Variants in SLC6A6 observed in about 807,000 individuals in gnomAD.
The protein encoded by SLC6A6 is sodium- and chloride-dependent taurine transporter.
SLC6A6 carries 16 observed loss-of-function variants against 68.8 expected under a neutral mutation model. The observed-to-expected ratio is 0.23, with a 90% CI of 0.16 to 0.35. The LOEUF (loss-of-function observed/expected upper bound fraction) is 0.35, where lower values mean the gene tolerates loss of function less well. SLC6A6 is among the 10% of genes least tolerant of loss of function. SLC6A6 has a pLI of 1.00. For missense variants in SLC6A6, 474 were observed against 802.8 expected, an observed-to-expected ratio of 0.59 and a Z score of 4.95; for synonymous variants, 312 against 315.4, an observed-to-expected ratio of 0.99 and a Z score of 0.12.
intron 4 of SLC6A6, 35 bp from the exon 5 acceptor site, chr3:14,447,547 C>G: frequency 1.2e-6 from 2 of 1,611,162 alleles, no homozygotes; most frequent in South Asian, 1.1e-5. Context: ...TGGCCTCCCT[C>G]AGATGTTTAC....
In SLC6A6 at chr3:14,402,904, C is replaced by G; in HGVS notation, c.-54+57C>G. 1 of 389,152 alleles carries G rather than the reference C, an allele frequency of 2.6e-6. No homozygotes were observed. Among genetic ancestry groups the G allele is most frequent in the East Asian group, 3.7e-5 (1 of 27,198 alleles). 24.1% of individuals were successfully genotyped at this position (389,152 alleles called of 1,614,324 possible). On this transcript the variant is annotated intron_variant, in intron 1 of 14. Transcript: ENST00000622186. This position sits in a 1 kb window ranked among gnomAD's most constrained non-coding sequence, Gnocchi z 4.8. ...CCGGCGCTGCCCGCCGTCTGCAGCC[C>G]CTCCCCATCCCCGCGTCGCCGCAGT...
At chr3:14,443,019 G>A (rs1165710524) in intron 2 of SLC6A6, among the ~76,000 whole-genome samples, 1 of 152,096 alleles carries the variant, frequency 6.6e-6, no homozygotes, top group African/African-American at 2.4e-5. Flanking sequence ...TACTTGGATG[G>A]CAACCCATCT....
intron 6 of SLC6A6, among the ~76,000 whole-genome samples, chr3:14,464,008 A>G (rs1700556626): frequency 6.6e-6 from 1 of 152,220 alleles, no homozygotes; most frequent in African/African-American, 2.4e-5. Flanking sequence ...TGGCAGAGGC[A>G]GCGTGCAACC....
intron 5 of SLC6A6, among the ~76,000 whole-genome samples, chr3:14,457,143 C>T (rs538981030): frequency 5.9e-5 from 9 of 152,242 alleles, no homozygotes; most frequent in Admixed American, 5.2e-4. Flanking sequence ...GGAATCAGCT[C>T]GGATTGGTGG....
At chr3:14,443,098 T>A (rs4123188) in intron 2 of SLC6A6, among the ~76,000 whole-genome samples, 6,259 of 152,360 alleles carry the variant, frequency 0.041, 167 homozygotes, top group South Asian at 0.1. Context: ...TTTTTTTAAC[T>A]TACAGTTATA....
chr3:14,430,560 T>G (rs1248826389), intron 2 of SLC6A6, among the ~76,000 whole-genome samples: 2 of 151,970 alleles, frequency 1.3e-5, no homozygotes, highest in African/African-American at 4.8e-5. Context: ...CCCACCCGAG[T>G]GTGGATTTTA....
intron 1 of SLC6A6, among the ~76,000 whole-genome samples, chr3:14,414,823 C>T (rs1699329061): frequency 6.6e-6 from 1 of 152,214 alleles, no homozygotes; most frequent in African/African-American, 2.4e-5. Context: ...GCACACCTAG[C>T]CTTTAGTGCC....
intron 2 of SLC6A6, among the ~76,000 whole-genome samples, chr3:14,434,106 TCCCCCAGTTCTTTG>T (rs773239781): frequency 7.2e-5 from 11 of 152,296 alleles, no homozygotes; most frequent in Non-Finnish European, 1.3e-4. Context: ...AGAACAGTGT[TCCCCCAGTTCTTTG>T]CCCCCAGTTC....
In SLC6A6 at chr3:14,472,382, C is replaced by G. The variant is rs1451769141; in HGVS notation, c.1209+65C>G. On this transcript the variant is annotated intron_variant, in intron 10 of 14. Coordinates refer to ENST00000622186, the MANE Select transcript of SLC6A6 (RefSeq NM_003043.6). The surrounding 1 kb of genome is among the most constrained non-coding windows in gnomAD (Gnocchi z 4.5). The stretch of plus-strand genomic sequence containing the variant: ...GGGAACCTGACTCTGGGAAAGACTC[C>G]TTATTCCACCTGGGAGGTGGTCAAC... 8.2e-6 allele frequency: 8 copies of G among 972,824 alleles called. No individual in the cohort carries two copies. The highest frequency in any genetic ancestry group is 1.7e-5 in the Admixed American group (1 of 57,208). The allele number at this position is 972,824 out of a possible 1,614,324, so 60.3% of individuals were successfully genotyped here.
intron 2 of SLC6A6, among the ~76,000 whole-genome samples, chr3:14,418,315 C>T (rs542042574): frequency 2.6e-5 from 4 of 152,282 alleles, no homozygotes; most frequent in East Asian, 3.9e-4. Context: ...CCTGTGAAGC[C>T]GGGACTAGGC....
chr3:14,405,132 T>A (rs545651039), intron 1 of SLC6A6, among the ~76,000 whole-genome samples: 47 of 152,296 alleles, frequency 3.1e-4, no homozygotes, highest in African/African-American at 1.1e-3. Context: ...GAGTTGAAAT[T>A]GAACCGGGGC....
intron 2 of SLC6A6, among the ~76,000 whole-genome samples, chr3:14,426,419 A>G (rs1057419177): frequency 1.3e-5 from 2 of 152,234 alleles, no homozygotes; most frequent in African/African-American, 4.8e-5. Context: ...GCAAGCCTGC[A>G]GCCCAGGGAG....
rs576340640 is a variant in SLC6A6 at position 14,431,846 on chromosome 3, A to G, written c.-11-11778A>G. Among the ~76,000 whole-genome samples the G allele has an allele frequency of 3.9e-5, 6 of 152,288 alleles. No homozygotes were observed. In the South Asian group the frequency reaches 1.2e-3, roughly 32 times the overall value. On this transcript the variant is annotated intron_variant, in intron 2 of 14. Coordinates refer to ENST00000622186, the MANE Select transcript of SLC6A6 (RefSeq NM_003043.6). ...GAAAGTACATCCTCGTCAGGGGGAA[A>G]AACATGTTTAAAAGAGGAACAAGGA...
Position 14,447,825 on chromosome 3 carries a change from AC to A in SLC6A6, c.599+11del. Reference sequence around the variant, plus strand: ...GTCATCGAGTTCTGGGAGTAAGGCCACCTCATTGAAGCAAGGAGGAGGACAT... The same window carrying A: ...GTCATCGAGTTCTGGGAGTAAGGCCACTCATTGAAGCAAGGAGGAGGACAT... On this transcript the variant is annotated intron_variant, in intron 5 of 14. Coordinates refer to ENST00000622186, the MANE Select transcript of SLC6A6 (RefSeq NM_003043.6). 1 of 1,613,930 alleles carries A rather than the reference AC, an allele frequency of 6.2e-7. No homozygotes were observed. The highest frequency in any genetic ancestry group is 8.5e-7 in the Non-Finnish European group (1 of 1,179,910).
intron 2 of SLC6A6, among the ~76,000 whole-genome samples, chr3:14,436,884 A>C (rs568064784): frequency 5.1e-4 from 77 of 152,120 alleles, no homozygotes; most frequent in African/African-American, 1.8e-3. Context: ...GTGGCCCTTC[A>C]CTTCCCTGTT....
intron 2 of SLC6A6, among the ~76,000 whole-genome samples, chr3:14,431,012 C>T (rs1262049696): frequency 1.3e-5 from 2 of 152,210 alleles, no homozygotes; most frequent in Admixed American, 6.5e-5. Flanking sequence ...CAGGGCATCC[C>T]CTGGCACTTG....
intron 1 of SLC6A6, among the ~76,000 whole-genome samples, chr3:14,409,267 T>G (rs1473753187): frequency 6.6e-6 from 1 of 152,238 alleles, no homozygotes; most frequent in Non-Finnish European, 1.5e-5. Flanking sequence ...TGACTTTGCG[T>G]GTCCTGTCTG....
intron 2 of SLC6A6, among the ~76,000 whole-genome samples, chr3:14,438,097 G>A (rs1298062838): frequency 1.3e-5 from 2 of 149,912 alleles, no homozygotes; most frequent in African/African-American, 2.5e-5. Context: ...TGCCCACCTC[G>A]GCCTCCCAAA....
intron 2 of SLC6A6, among the ~76,000 whole-genome samples, chr3:14,419,121 G>A (rs1366252268): frequency 6.6e-6 from 1 of 152,228 alleles, no homozygotes; most frequent in Non-Finnish European, 1.5e-5. Context: ...CTCTTTTTGA[G>A]GCTTGCTGAT....
Sources: allele counts gnomAD v4.1 joint callset (sites outside exome capture counted in the v4.1 genomes callset), GRCh38; gene constraint gnomAD v4.1.1; non-coding constraint Gnocchi (gnomAD v3.1); transcripts MANE v1.5; gene names NCBI Gene and HGNC (gene_info 2026-07-23, HGNC 2026-07-21).